USH2A: variants seen among roughly 807,000 people sequenced by gnomAD.
USH2A encodes the protein usherin.
A neutral mutation model predicts 538.9 loss-of-function variants in USH2A; 443 were observed. That is an observed-to-expected ratio of 0.82 (90% CI 0.76 to 0.89). The LOEUF (loss-of-function observed/expected upper bound fraction) is 0.89. Among genes scored for constraint, USH2A ranks in the 40% least tolerant of loss-of-function variants. USH2A has a pLI of 0.00. For synonymous variants in USH2A, 2,413 were observed against 2,273.5 expected, an observed-to-expected ratio of 1.06 and a Z score of -1.75; for missense variants, 6,633 against 6,324.8, an observed-to-expected ratio of 1.05 and a Z score of -1.65.
At chr1:215,786,555 G>A (rs1661806638) in intron 52 of USH2A, 115 bp downstream of exon 52, 1 of 1,148,330 alleles carries the variant, frequency 8.7e-7, no homozygotes, top group South Asian at 1.3e-5. Flanking sequence ...AAGTATGATG[G>A]AATGTACTGA....
At chr1:216,054,323 C>T (rs548023474) in intron 30 of USH2A, among the ~76,000 whole-genome samples, 1 of 152,164 alleles carries the variant, frequency 6.6e-6, no homozygotes, top group East Asian at 1.9e-4. Context: ...TTTGCTGTAA[C>T]CTCAAGTTTC....
chr1:216,216,028 G>T (rs1197066086), intron 15 of USH2A, among the ~76,000 whole-genome samples: 1 of 151,996 alleles, frequency 6.6e-6, no homozygotes, highest in Non-Finnish European at 1.5e-5. Flanking sequence ...GAACCAATCA[G>T]AAATCACTAA....
intron 37 of USH2A, among the ~76,000 whole-genome samples, chr1:215,953,105 G>T (rs1393668768): frequency 6.6e-6 from 1 of 152,050 alleles, no homozygotes; most frequent in Non-Finnish European, 1.5e-5. Context: ...CTCATGGGTA[G>T]GAAGAATCAA....
chr1:216,370,896 G>C (rs1255662027), intron 3 of USH2A, among the ~76,000 whole-genome samples: 1 of 152,028 alleles, frequency 6.6e-6, no homozygotes, highest in Non-Finnish European at 1.5e-5. Context: ...CAATAGGAAA[G>C]GTGACATCCC....
chr1:215,866,338 T>C (rs887885642), intron 44 of USH2A, among the ~76,000 whole-genome samples: 2 of 152,166 alleles, frequency 1.3e-5, no homozygotes. Context: ...GTTTCTAACG[T>C]TGCAGGAACA....
intron 67 of USH2A, among the ~76,000 whole-genome samples, chr1:215,642,474 G>C (rs1040465652): frequency 6.6e-6 from 1 of 152,154 alleles, no homozygotes; most frequent in Non-Finnish European, 1.5e-5. Flanking sequence ...CTCTCCAGTG[G>C]TGTGCTGAAG....
At chr1:215,807,132 C>A (rs763456476) in intron 49 of USH2A, among the ~76,000 whole-genome samples, 5 of 152,038 alleles carry the variant, frequency 3.3e-5, no homozygotes, top group Non-Finnish European at 5.9e-5. Flanking sequence ...CTGGTCATTG[C>A]TGGCCTGGAA....
intron 3 of USH2A, among the ~76,000 whole-genome samples, chr1:216,409,845 G>A (rs570761404): frequency 6.6e-6 from 1 of 151,890 alleles, no homozygotes; most frequent in South Asian, 2.1e-4. Context: ...CGACAGAGAT[G>A]CCAAAAGCAA....
chr1:215,829,137 G>A (rs1218924822), intron 47 of USH2A, among the ~76,000 whole-genome samples: 2 of 152,138 alleles, frequency 1.3e-5, no homozygotes, highest in East Asian at 1.9e-4. Context: ...AGAAGGAGCT[G>A]ATGATAATAT....
rs1247012369 is a variant in USH2A, at chr1:215,948,437, T to C, written c.7121-13642A>G. Among the ~76,000 whole-genome samples, 328 of 147,576 alleles carry C rather than the reference T, an allele frequency of 2.2e-3. 4 individuals are homozygous for C. The highest frequency in any genetic ancestry group is 7.9e-3 in the African/African-American group (316 of 39,764). On this transcript the variant is annotated intron_variant, in intron 37 of 71. Transcript: ENST00000307340. Reference sequence around the variant, plus strand: ...TCATATTTGTTCAGATATATATATATATATATACACACACACACACACACA... The same window carrying C: ...TCATATTTGTTCAGATATATATATACATATATACACACACACACACACACA...
chr1:216,027,819 A>G (rs1242052948), intron 32 of USH2A, among the ~76,000 whole-genome samples: 9 of 152,196 alleles, frequency 5.9e-5, no homozygotes, highest in South Asian at 2.1e-4. Context: ...ATAATGCACT[A>G]AAGATATCAA....
At chr1:215,859,223 A>G (rs1298093891) in intron 44 of USH2A, among the ~76,000 whole-genome samples, 1 of 152,060 alleles carries the variant, frequency 6.6e-6, no homozygotes, top group African/African-American at 2.4e-5. Context: ...ACTTTTTTCA[A>G]CCAAACAAGA....
chr1:215,809,723 A>G (rs1227669183), intron 49 of USH2A, among the ~76,000 whole-genome samples: 1 of 152,172 alleles, frequency 6.6e-6, no homozygotes, highest in East Asian at 1.9e-4. Context: ...GAGAGAAATG[A>G]GCATTCTTTC....
intron 36 of USH2A, among the ~76,000 whole-genome samples, chr1:215,970,059 A>G (rs1667453848): frequency 6.6e-6 from 1 of 152,216 alleles, no homozygotes; most frequent in Non-Finnish European, 1.5e-5. Flanking sequence ...ACTGCTAATG[A>G]AATATAGATA....
At chr1:216,365,847 A>T (rs1240839743) in intron 3 of USH2A, among the ~76,000 whole-genome samples, 1 of 152,122 alleles carries the variant, frequency 6.6e-6, no homozygotes, top group African/African-American at 2.4e-5. Flanking sequence ...TCCAAATAAA[A>T]CTTTATTTAT....
chr1:215,656,949 G>C (rs571816172), intron 64 of USH2A, among the ~76,000 whole-genome samples: 1 of 152,132 alleles, frequency 6.6e-6, no homozygotes, highest in Non-Finnish European at 1.5e-5. Flanking sequence ...GTATGTTAAC[G>C]GGCAAACAAT....
chr1:215,642,278 T>G (rs548922820), intron 67 of USH2A, among the ~76,000 whole-genome samples: 1 of 152,348 alleles, frequency 6.6e-6, no homozygotes, highest in African/African-American at 2.4e-5. Flanking sequence ...CTGTAAAGAT[T>G]GATTCCTAAT....
chr1:215,915,580 A>G (rs1665931303), intron 38 of USH2A, among the ~76,000 whole-genome samples: 3 of 152,010 alleles, frequency 2.0e-5, no homozygotes, highest in Admixed American at 2.0e-4. Context: ...AAAGGACTCT[A>G]GAGAAAAATA....
At chr1:215,683,371 G>C (rs1055031139) in intron 61 of USH2A, among the ~76,000 whole-genome samples, 1 of 152,048 alleles carries the variant, frequency 6.6e-6, no homozygotes, top group Non-Finnish European at 1.5e-5. Flanking sequence ...AAAATGACAA[G>C]ATAATCCTTG....
Sources: gnomAD v4.1 joint callset for allele counts (sites outside exome capture counted in the v4.1 genomes callset) on GRCh38, gnomAD v4.1.1 for gene constraint, MANE v1.5 for transcripts, NCBI Gene and HGNC (gene_info 2026-07-23, HGNC 2026-07-21) for gene names.